The following HDAC9 variants were observed in gnomAD, a reference collection of about 807,000 sequenced individuals.
HDAC9 encodes the protein MEF-2 interacting transcription repressor (MITR) protein.
Under a neutral mutation model 139.4 loss-of-function variants are expected in HDAC9, and 41 were observed. The ratio of observed to expected loss-of-function variants is 0.29; its 90% confidence interval spans 0.23 to 0.38. HDAC9 has a LOEUF of 0.38. Ranked by LOEUF, HDAC9 falls within the 10% of genes least tolerant of loss-of-function variation. HDAC9 has a pLI of 1.00. For synonymous variants in HDAC9, 517 were observed against 476.2 expected, an observed-to-expected ratio of 1.09 and a Z score of -1.12; for missense variants, 1,147 against 1,297.0, an observed-to-expected ratio of 0.88 and a Z score of 1.78.
intron 2 of HDAC9, among the ~76,000 whole-genome samples, chr7:18,530,245 A>T (rs1488778059): frequency 6.6e-6 from 1 of 152,210 alleles, no homozygotes; most frequent in East Asian, 1.9e-4. Flanking sequence ...CCTGGGCAAC[A>T]GAGTGAGATC....
intron 12 of HDAC9, among the ~76,000 whole-genome samples, chr7:18,688,775 C>A (rs950314819): frequency 6.6e-6 from 1 of 151,754 alleles, no homozygotes; most frequent in Non-Finnish European, 1.5e-5. Flanking sequence ...TGGAGCAGGG[C>A]AGAGGTCACT....
chr7:18,832,676 C>A (rs1459358515), intron 19 of HDAC9, among the ~76,000 whole-genome samples: 2 of 151,938 alleles, frequency 1.3e-5, no homozygotes, highest in African/African-American at 4.8e-5. Flanking sequence ...CATACCTGAC[C>A]AATCAGTACT....
At chr7:18,217,754 G>C (rs545272346) in intron 2 of HDAC9, among the ~76,000 whole-genome samples, 1 of 152,162 alleles carries the variant, frequency 6.6e-6, no homozygotes, top group Non-Finnish European at 1.5e-5. Context: ...CAAGTTATCC[G>C]TGGATATTTG....
chr7:18,691,038 G>T (rs1225553053), intron 12 of HDAC9, among the ~76,000 whole-genome samples: 11 of 151,978 alleles, frequency 7.2e-5, no homozygotes, highest in African/African-American at 2.4e-4. Context: ...GAATTCTTCT[G>T]TCTTGGAAAA....
In HDAC9 at chr7:18,462,629, T is replaced by C. The variant is rs113471630; in HGVS notation, c.-41-33633T>C. 8.4e-3 allele frequency among the ~76,000 whole-genome samples: 1,275 copies of C among 152,156 alleles called. 16 individuals carry two copies. Among genetic ancestry groups the C allele is most frequent in the African/African-American group, 0.029 (1,197 of 41,546 alleles). On this transcript the variant is annotated intron_variant, in intron 1 of 3. Transcript: ENST00000413509. ...TTATGCTGTATAAAATATCATGATA[T>C]TGTATATATTCTTTTGTGACTGGCC...
At chr7:18,639,305 G>A (rs754816375) in intron 8 of HDAC9, among the ~76,000 whole-genome samples, 1 of 151,880 alleles carries the variant, frequency 6.6e-6, no homozygotes, top group Non-Finnish European at 1.5e-5. Flanking sequence ...AATAAAACAC[G>A]TTCCCCCCAC....
At position 18,108,913 on chromosome 7, in the gene HDAC9, C is replaced by G. The variant is rs547564635; in HGVS notation, c.-97+21700C>G. Among the ~76,000 whole-genome samples, 3 of 152,258 alleles carry G rather than the reference C, an allele frequency of 2.0e-5. 1 individual carries two copies. The highest frequency in any genetic ancestry group is 4.8e-5 in the African/African-American group (2 of 41,532). ...GGATTACAGGTGTGAGCCACTGCGC[C>G]TGGCCACACTCGTCTCTTATCAGGA... On this transcript the variant is annotated intron_variant, in intron 1 of 12. Coordinates refer to the HDAC9 transcript ENST00000417496.
chr7:18,169,857 C>G (rs902965568), intron 2 of HDAC9, among the ~76,000 whole-genome samples: 3 of 152,138 alleles, frequency 2.0e-5, no homozygotes, highest in Admixed American at 6.5e-5. Flanking sequence ...TCCAGTCTAT[C>G]ATTGATGGAC....
At chr7:18,695,624 T>C (rs1178099) in intron 12 of HDAC9, among the ~76,000 whole-genome samples, 52,288 of 152,010 alleles carry the variant, frequency 0.34, 9,255 homozygotes, top group East Asian at 0.48. Flanking sequence ...ATACAGGATT[T>C]AGTTTGACCT....
chr7:18,667,585 A>G (rs1202973794), intron 12 of HDAC9: 1 of 985,214 alleles, frequency 1.0e-6, no homozygotes, highest in African/African-American at 1.7e-5. Flanking sequence ...TATTCAAGTC[A>G]GTTCTTTGTC....
chr7:18,959,911 A>G (rs6977304), intron 24 of HDAC9, among the ~76,000 whole-genome samples: 66,799 of 151,830 alleles, frequency 0.44, 15,772 homozygotes, highest in African/African-American at 0.62. Flanking sequence ...CAATTTCACC[A>G]TATGTTCTTG....
intron 6 of HDAC9, among the ~76,000 whole-genome samples, chr7:18,605,831 C>G (rs1049990395): frequency 6.6e-6 from 1 of 152,118 alleles, no homozygotes; most frequent in Non-Finnish European, 1.5e-5. Context: ...CAGGCGCCCT[C>G]CACCATGCCC....
At chr7:18,589,905 GTTGA>G (rs1192770402) in intron 3 of HDAC9, among the ~76,000 whole-genome samples, 4 of 152,076 alleles carry the variant, frequency 2.6e-5, no homozygotes, top group African/African-American at 9.7e-5. Context: ...CTGTATTTGC[GTTGA>G]TTATTTTTAC....
At chr7:18,303,096 G>A (rs1418231516) in intron 1 of HDAC9, among the ~76,000 whole-genome samples, 2 of 152,064 alleles carry the variant, frequency 1.3e-5, no homozygotes, top group Non-Finnish European at 2.9e-5. Context: ...TTCATAGAAA[G>A]GGTAGAACAC....
At chr7:18,399,036 G>A (rs1422494070) in intron 1 of HDAC9, among the ~76,000 whole-genome samples, 2 of 152,264 alleles carry the variant, frequency 1.3e-5, no homozygotes, top group Non-Finnish European at 2.9e-5. Context: ...TAATAAAGCT[G>A]CCTATGGGCA....
At chr7:18,356,105 C>T (rs1304146407) in intron 1 of HDAC9, among the ~76,000 whole-genome samples, 1 of 151,692 alleles carries the variant, frequency 6.6e-6, no homozygotes, top group Non-Finnish European at 1.5e-5. Context: ...TTTAAAAATG[C>T]ATGTAAAAAA....
chr7:18,240,209 G>T (rs1794099243), intron 2 of HDAC9, among the ~76,000 whole-genome samples: 1 of 151,994 alleles, frequency 6.6e-6, no homozygotes, highest in Non-Finnish European at 1.5e-5. Context: ...AACCACCATG[G>T]TATTCCTCAT....
chr7:18,495,969 A>C lies in HDAC9; in HGVS notation c.-96A>C. 1 of 1,266,092 alleles carries C rather than the reference A, an allele frequency of 7.9e-7. No homozygotes were observed. Among genetic ancestry groups the C allele is most frequent in the Non-Finnish European group, 9.9e-7 (1 of 1,007,872 alleles). The allele number at this position is 1,266,092 out of a possible 1,614,324, so 78.4% of individuals were successfully genotyped here. A position where few individuals can be genotyped will look rare whatever the true frequency, so the allele number is the denominator to read the frequency against. ...CCACCTGCTTGTAGTTTCCGGGATA[A>C]CCTAAACTCCAGAGAGCTATAGCAT... is the stretch of plus-strand genomic sequence containing the variant. On this transcript the variant is annotated 5_prime_UTR_variant, in exon 1 of 26. Coordinates refer to ENST00000686413, the MANE Select transcript of HDAC9 (RefSeq NM_178425.4).
At chr7:18,499,747 AT>A (rs1350014058) in intron 2 of HDAC9, among the ~76,000 whole-genome samples, 1 of 152,184 alleles carries the variant, frequency 6.6e-6, no homozygotes. Flanking sequence ...GAAAGCTCAT[AT>A]TTTGGCCATC....
Sources: gnomAD v4.1 joint callset for allele counts (sites outside exome capture counted in the v4.1 genomes callset) on GRCh38, gnomAD v4.1.1 for gene constraint, MANE v1.5 for transcripts, NCBI Gene and HGNC (gene_info 2026-07-23, HGNC 2026-07-21) for gene names.